The following TMEM266 variants were observed in gnomAD, a reference collection of about 807,000 sequenced individuals.
The protein encoded by TMEM266 is Hv1 related protein 1.
Under a neutral mutation model 50.5 loss-of-function variants are expected in TMEM266, and 33 were observed. That is an observed-to-expected ratio of 0.65 (90% CI 0.50 to 0.87). The LOEUF is 0.87. Ranked by LOEUF, TMEM266 falls within the 40% of genes least tolerant of loss-of-function variation. The pLI, the probability that TMEM266 is intolerant of heterozygous loss-of-function variation, is 0.00. For missense variants in TMEM266, 655 were observed against 695.1 expected, an observed-to-expected ratio of 0.94 and a Z score of 0.65; for synonymous variants, 310 against 292.3, an observed-to-expected ratio of 1.06 and a Z score of -0.62.
intron 5 of TMEM266, among the ~76,000 whole-genome samples, chr15:76,167,584 C>T (rs537500587): frequency 6.6e-6 from 1 of 152,092 alleles, no homozygotes; most frequent in East Asian, 1.9e-4. Context: ...TCACTGTAAC[C>T]TCCGCCTCCC....
In TMEM266 at chr15:76,178,344, A is replaced by G. The variant is rs1477091404; in HGVS notation, c.768+2670A>G. Among the ~76,000 whole-genome samples the G allele has an allele frequency of 3.9e-5, 6 of 152,150 alleles. 1 individual carries two copies. In the East Asian group the frequency reaches 1.2e-3, roughly 29 times the overall value. ...AGAGGGGGCTGCAGGGAAGTGGGGA[A>G]AGTAAAGTGCAGGGTGTCATCCAGA... On this transcript the variant is annotated intron_variant, in intron 8 of 10. Coordinates refer to ENST00000388942, the MANE Select transcript of TMEM266 (RefSeq NM_152335.3).
chr15:76,078,656 G>GT (rs1002234223), intron 1 of TMEM266, among the ~76,000 whole-genome samples: 5 of 152,062 alleles, frequency 3.3e-5, no homozygotes, highest in African/African-American at 9.7e-5. Flanking sequence ...TTATTCAGCA[G>GT]TTTTTTTTCT....
chr15:76,099,900 C>A (rs2955745), intron 1 of TMEM266, among the ~76,000 whole-genome samples: 1 of 152,182 alleles, frequency 6.6e-6, no homozygotes, highest in African/African-American at 2.4e-5. Context: ...CTTACCACCA[C>A]AAAGCAGGAG....
chr15:76,150,683 AG>A (rs1313607609), intron 3 of TMEM266, among the ~76,000 whole-genome samples: 2 of 152,084 alleles, frequency 1.3e-5, no homozygotes, highest in Non-Finnish European at 2.9e-5. Context: ...CACAGAAGCA[AG>A]CACAGCCCTC....
chr15:76,189,691 G>C (rs1209359314), intron 8 of TMEM266, among the ~76,000 whole-genome samples: 1 of 152,198 alleles, frequency 6.6e-6, no homozygotes, highest in Non-Finnish European at 1.5e-5. Flanking sequence ...AATCCTGCAT[G>C]GCCAGGAGAC....
intron 7 of TMEM266, among the ~76,000 whole-genome samples, chr15:76,174,504 T>C (rs1340655073): frequency 1.3e-5 from 2 of 151,766 alleles, no homozygotes; most frequent in Non-Finnish European, 2.9e-5. Context: ...TGAGCTGAGA[T>C]CGCCCACTGC....
chr15:76,133,244 A>G (rs1341253439), intron 1 of TMEM266, among the ~76,000 whole-genome samples: 1 of 151,814 alleles, frequency 6.6e-6, no homozygotes, highest in African/African-American at 2.4e-5. Flanking sequence ...GACCAGCCTG[A>G]CCAACATGGA....
intron 1 of TMEM266, among the ~76,000 whole-genome samples, chr15:76,093,305 C>T (rs1249778227): frequency 2.0e-5 from 3 of 150,934 alleles, no homozygotes; most frequent in Non-Finnish European, 4.4e-5. Context: ...CACCCCCCAA[C>T]AGGCCCTGGT....
At chr15:76,097,043 C>T (rs979038380) in intron 1 of TMEM266, among the ~76,000 whole-genome samples, 6 of 151,262 alleles carry the variant, frequency 4.0e-5, no homozygotes, top group Admixed American at 3.3e-4. Context: ...ATACAGCACA[C>T]AGATGGGTCT....
intron 1 of TMEM266, among the ~76,000 whole-genome samples, chr15:76,070,477 C>T (rs1013638232): frequency 1.3e-5 from 2 of 152,182 alleles, no homozygotes; most frequent in African/African-American, 4.8e-5. Flanking sequence ...GAAATGGGGG[C>T]TGTGAGCCAA....
chr15:76,143,710 A>G (rs2037715453), intron 3 of TMEM266, among the ~76,000 whole-genome samples: 1 of 152,098 alleles, frequency 6.6e-6, no homozygotes, highest in East Asian at 1.9e-4. Context: ...CCTTTTAAAA[A>G]TTGTTTGAGG....
chr15:76,107,704 C>T (rs1184126571), intron 1 of TMEM266, among the ~76,000 whole-genome samples: 1 of 152,116 alleles, frequency 6.6e-6, no homozygotes, highest in Non-Finnish European at 1.5e-5. Flanking sequence ...AGCCATGTCC[C>T]AGGGGCTCAA....
At chr15:76,083,336 A>G (rs1234715727) in intron 1 of TMEM266, among the ~76,000 whole-genome samples, 1 of 150,524 alleles carries the variant, frequency 6.6e-6, no homozygotes, top group Non-Finnish European at 1.5e-5. Context: ...TATTAATACC[A>G]GTTTTCCTGC....
rs181718406 is a variant in TMEM266 at position 76,132,600 on chromosome 15, A to C, written c.-96-1568A>C. Reference sequence around the variant, plus strand: ...CACTTGAGGTAAGGAGGTCAAGACCAGCCTGGCCAACATGGTGAAACCCCA... The same window carrying C: ...CACTTGAGGTAAGGAGGTCAAGACCCGCCTGGCCAACATGGTGAAACCCCA... On this transcript the variant is annotated intron_variant, in intron 1 of 10. Coordinates refer to ENST00000388942, the MANE Select transcript of TMEM266 (RefSeq NM_152335.3). Among the ~76,000 whole-genome samples the C allele has an allele frequency of 3.2e-3, 481 of 150,410 alleles. 5 individuals carry two copies. Among genetic ancestry groups the C allele is most frequent in the African/African-American group, 0.011 (442 of 40,984 alleles).
At chr15:76,129,445 T>C (rs1009162897) in intron 1 of TMEM266, among the ~76,000 whole-genome samples, 7 of 151,956 alleles carry the variant, frequency 4.6e-5, no homozygotes, top group Non-Finnish European at 8.8e-5. Flanking sequence ...GGTTCGAGAC[T>C]AGCCTGGCCA....
Position 76,169,950 on chromosome 15 carries a change from AG to A in TMEM266, c.513+81del, listed in dbSNP as rs929208738. 5 of 1,405,132 alleles carry A rather than the reference AG, an allele frequency of 3.6e-6. No individual in the cohort carries two copies. The African/African-American group carries it at 7.2e-5, about 20-fold the overall frequency. 87.0% of individuals were successfully genotyped at this position (1,405,132 alleles called of 1,614,324 possible). ...GAAAACGTCATGTCCCATCCATTCC[AG>A]GGTGGACACCATCAAGAAGGCTGGT... On this transcript the variant is annotated intron_variant, in intron 6 of 10. Transcript: ENST00000388942.
chr15:76,108,069 C>T lies in TMEM266; in HGVS notation c.-96-26099C>T, dbSNP rs548343870. 3.9e-5 allele frequency among the ~76,000 whole-genome samples: 6 copies of T among 152,394 alleles called. No homozygotes were observed. The East Asian group carries it at 7.7e-4, about 20-fold the overall frequency. ...GTGGCAGAGCAGCTGAGCCTGGCTA[C>T]GTGAGGCTCCAAGGAAGCCTGCACA... On this transcript the variant is annotated intron_variant, in intron 1 of 10. Coordinates refer to ENST00000388942, the MANE Select transcript of TMEM266 (RefSeq NM_152335.3).
chr15:76,155,824 C>T (rs1005231707), intron 3 of TMEM266, among the ~76,000 whole-genome samples: 1 of 152,132 alleles, frequency 6.6e-6, no homozygotes, highest in African/African-American at 2.4e-5. Flanking sequence ...CTTTTTATAG[C>T]TGAAAAATGG....
chr15:76,115,996 C>T (rs2037240615), intron 1 of TMEM266, among the ~76,000 whole-genome samples: 1 of 152,066 alleles, frequency 6.6e-6, no homozygotes, highest in Admixed American at 6.6e-5. Context: ...GGCTTTCTCG[C>T]TCCCCTGCCC....
Sources: allele counts gnomAD v4.1 joint callset (sites outside exome capture counted in the v4.1 genomes callset), GRCh38; gene constraint gnomAD v4.1.1; transcripts MANE v1.5; gene names NCBI Gene and HGNC (gene_info 2026-07-23, HGNC 2026-07-21).